The following DLC1 variants were observed in gnomAD, a reference collection of about 807,000 sequenced individuals.
DLC1 encodes rho GTPase-activating protein 7.
In DLC1, 54 loss-of-function variants were observed where a neutral mutation model predicts 140.3. The observed-to-expected ratio is 0.38, with a 90% CI of 0.31 to 0.48. The LOEUF is 0.48. Ranked by LOEUF, DLC1 falls within the 20% of genes least tolerant of loss-of-function variation. The pLI is 0.96. For synonymous variants in DLC1, 986 were observed against 728.1 expected, an observed-to-expected ratio of 1.35 and a Z score of -5.70; for missense variants, 2,536 against 1,907.0, an observed-to-expected ratio of 1.33 and a Z score of -6.14.
At chr8:13,553,441 T>G (rs771105841) in intron 1 of DLC1, among the ~76,000 whole-genome samples, 40 of 151,570 alleles carry the variant, frequency 2.6e-4, no homozygotes, top group Non-Finnish European at 4.7e-4. Context: ...TTTTTTCTTA[T>G]ATTAACACAA....
chr8:13,405,255 A>G (rs890093958), intron 2 of DLC1, among the ~76,000 whole-genome samples: 2 of 152,154 alleles, frequency 1.3e-5, no homozygotes, highest in African/African-American at 4.8e-5. Context: ...GGTAGTGAGC[A>G]TAATACCTAA....
intron 1 of DLC1, among the ~76,000 whole-genome samples, chr8:13,539,173 T>TTGTATGTATGTA (rs759659556): frequency 9.1e-6 from 1 of 110,390 alleles, no homozygotes; most frequent in African/African-American, 3.7e-5. Flanking sequence ...GATCTGCAAA[T>TTGTATGTATGTA]TGTATGTATG....
At chr8:13,363,408 G>C (rs76989610) in intron 4 of DLC1, among the ~76,000 whole-genome samples, 3,923 of 148,170 alleles carry the variant, frequency 0.026, 78 homozygotes, top group South Asian at 0.086. Context: ...GTGTCCATCA[G>C]AACCTAGCAT....
intron 5 of DLC1, among the ~76,000 whole-genome samples, chr8:13,133,988 C>A (rs1161845582): frequency 6.6e-6 from 1 of 152,202 alleles, no homozygotes; most frequent in African/African-American, 2.4e-5. Flanking sequence ...GGGGTCACAG[C>A]CCGTGTTTCT....
intron 2 of DLC1, among the ~76,000 whole-genome samples, chr8:13,417,899 C>T (rs530441778): frequency 3.1e-4 from 47 of 152,210 alleles, no homozygotes; most frequent in Non-Finnish European, 4.7e-4. Flanking sequence ...TAATGATTGC[C>T]GTCATTCTAA....
chr8:13,372,044 C>T (rs1483458142), intron 4 of DLC1, among the ~76,000 whole-genome samples: 2 of 152,020 alleles, frequency 1.3e-5, no homozygotes, highest in Admixed American at 6.6e-5. Flanking sequence ...TAAAATAGAT[C>T]GGGGCATCGT....
chr8:13,133,216 C>T (rs1167096554), intron 5 of DLC1: 2 of 1,419,992 alleles, frequency 1.4e-6, no homozygotes, highest in South Asian at 1.5e-5. Flanking sequence ...TGAGCCGGCG[C>T]TCCTGATGCG....
intron 5 of DLC1, among the ~76,000 whole-genome samples, chr8:13,277,363 G>A (rs1281724786): frequency 6.6e-6 from 1 of 152,126 alleles, no homozygotes; most frequent in Non-Finnish European, 1.5e-5. Context: ...ACAAAATACT[G>A]ATCAGCTCCT....
intron 2 of DLC1, among the ~76,000 whole-genome samples, chr8:13,405,937 C>CTTTCTTTG (rs1837520739): frequency 2.1e-5 from 2 of 93,920 alleles, no homozygotes; most frequent in Non-Finnish European, 4.4e-5. Flanking sequence ...TTCTTTCTTT[C>CTTTCTTTG]TTTCTTTCTT....
chr8:13,160,018 T>A (rs2128983817), intron 5 of DLC1, among the ~76,000 whole-genome samples: 1 of 152,088 alleles, frequency 6.6e-6, no homozygotes, highest in East Asian at 1.9e-4. Flanking sequence ...ATTAGCCGGG[T>A]GTCCTGGCAC....
chr8:13,133,928 G>A (rs1409299250), intron 5 of DLC1, among the ~76,000 whole-genome samples: 5 of 152,160 alleles, frequency 3.3e-5, no homozygotes, highest in Non-Finnish European at 7.3e-5. Flanking sequence ...AGCCAATGTA[G>A]GTGATAAATA....
intron 2 of DLC1, among the ~76,000 whole-genome samples, chr8:13,487,534 T>C (rs778238974): frequency 3.9e-5 from 6 of 151,980 alleles, no homozygotes; most frequent in Non-Finnish European, 7.4e-5. Context: ...TCACAGGGTC[T>C]GCATGCTCCC....
intron 9 of DLC1, among the ~76,000 whole-genome samples, chr8:13,098,827 C>T (rs1176950335): frequency 6.6e-6 from 1 of 152,032 alleles, no homozygotes; most frequent in Non-Finnish European, 1.5e-5. Flanking sequence ...TGTTGTCCAG[C>T]TTGGTCTCAA....
At chr8:13,227,238 C>A (rs1645620603) in intron 5 of DLC1, among the ~76,000 whole-genome samples, 1 of 151,978 alleles carries the variant, frequency 6.6e-6, no homozygotes, top group South Asian at 2.1e-4. Flanking sequence ...AGTGTAGTCT[C>A]ACCTAGTGAC....
intron 3 of DLC1, among the ~76,000 whole-genome samples, chr8:13,397,489 C>A (rs1837100863): frequency 1.3e-5 from 2 of 151,804 alleles, no homozygotes; most frequent in Non-Finnish European, 2.9e-5. Context: ...ATTTGTCAGA[C>A]AAGAGAAGGA....
At chr8:13,545,072 C>CA (rs1803609424) in intron 1 of DLC1, among the ~76,000 whole-genome samples, 1 of 151,930 alleles carries the variant, frequency 6.6e-6, no homozygotes, top group Non-Finnish European at 1.5e-5. Context: ...AACATAGGCA[C>CA]ATAGTAGGCA....
At chr8:13,354,803 G>A (rs1459052681) in intron 4 of DLC1, among the ~76,000 whole-genome samples, 1 of 147,434 alleles carries the variant, frequency 6.8e-6, no homozygotes, top group Non-Finnish European at 1.5e-5. Flanking sequence ...AAAAAAATTA[G>A]CTGGGCATGG....
intron 1 of DLC1, among the ~76,000 whole-genome samples, chr8:13,543,948 G>A (rs1048103424): frequency 6.6e-6 from 1 of 151,678 alleles, no homozygotes; most frequent in Non-Finnish European, 1.5e-5. Flanking sequence ...CCATTACACA[G>A]TTCATCCATG....
At chr8:13,560,206 C>G (rs6986670) in intron 1 of DLC1, among the ~76,000 whole-genome samples, 26,609 of 151,850 alleles carry the variant, frequency 0.18, 2,607 homozygotes, top group East Asian at 0.29. Context: ...ATACTCAGAT[C>G]GAATAGTAGG....
Sources: gnomAD v4.1 joint callset for allele counts (sites outside exome capture counted in the v4.1 genomes callset) on GRCh38, gnomAD v4.1.1 for gene constraint, MANE v1.5 for transcripts, NCBI Gene and HGNC (gene_info 2026-07-23, HGNC 2026-07-21) for gene names.